SCARA5: variants seen among roughly 807,000 people sequenced by gnomAD.
SCARA5 encodes the protein scavenger receptor class A, member 5 (putative).
SCARA5 carries 45 observed loss-of-function variants against 46.3 expected under a neutral mutation model. The observed-to-expected ratio is 0.97, with a 90% CI of 0.76 to 1.24. The LOEUF is 1.24. SCARA5 is among the 50% of genes most tolerant of loss of function. The pLI, the probability that SCARA5 is intolerant of heterozygous loss-of-function variation, is 0.00. For synonymous variants in SCARA5, 333 were observed against 306.5 expected, an observed-to-expected ratio of 1.09 and a Z score of -0.90; for missense variants, 680 against 689.0, an observed-to-expected ratio of 0.99 and a Z score of 0.15.
intron 2 of SCARA5, among the ~76,000 whole-genome samples, chr8:27,976,144 C>G (rs565028342): frequency 1.4e-4 from 21 of 151,392 alleles, no homozygotes; most frequent in Non-Finnish European, 2.8e-4. Flanking sequence ...AGAGAGGAAG[C>G]TGGGGGAGGG....
intron 4 of SCARA5, 80 bp downstream of exon 4, chr8:27,921,491 G>T: frequency 7.9e-7 from 1 of 1,265,108 alleles, no homozygotes; most frequent in Non-Finnish European, 1.1e-6. Flanking sequence ...GGGTACTCCT[G>T]GGTCCTTGGG....
chr8:27,990,032 C>T (rs1285674303), intron 1 of SCARA5, among the ~76,000 whole-genome samples: 4 of 152,250 alleles, frequency 2.6e-5, no homozygotes, highest in South Asian at 2.1e-4. Context: ...CAGGGCGCTG[C>T]CCCTGGGGAG....
intron 7 of SCARA5, among the ~76,000 whole-genome samples, chr8:27,895,171 G>C (rs1389993433): frequency 6.6e-6 from 1 of 152,158 alleles, no homozygotes; most frequent in Non-Finnish European, 1.5e-5. Context: ...ACATGGGGCT[G>C]GGAATATAGG....
intron 4 of SCARA5, among the ~76,000 whole-genome samples, chr8:27,917,311 A>G (rs1221551648): frequency 6.6e-6 from 1 of 152,226 alleles, no homozygotes; most frequent in East Asian, 1.9e-4. Flanking sequence ...TCCCACCAGA[A>G]GAACCATGGC....
chr8:27,933,743 T>G (rs1319159797), intron 3 of SCARA5, among the ~76,000 whole-genome samples: 1 of 152,228 alleles, frequency 6.6e-6, no homozygotes, highest in Non-Finnish European at 1.5e-5. Flanking sequence ...AGGGGAAACC[T>G]TTCTCTGTTT....
In SCARA5 at chr8:27,890,985, G is replaced by A. The variant is rs182953581; in HGVS notation, c.1154-11219C>T. 2.0e-5 allele frequency among the ~76,000 whole-genome samples: 3 copies of A among 152,202 alleles called. No individual in the cohort carries two copies. In the East Asian group the frequency reaches 5.8e-4, roughly 30 times the overall value. ...GGGAGCCCAGGGCAGAGACTGGATG[G>A]GCAGGGCCAGTCCAGGCAAGCTACA... On this transcript the variant is annotated intron_variant, in intron 7 of 8. Coordinates refer to ENST00000354914, the MANE Select transcript of SCARA5 (RefSeq NM_173833.6).
At chr8:27,922,294 C>T (rs4732613) in intron 3 of SCARA5, 49 bp from the exon 4 acceptor site, 893,516 of 1,402,908 alleles carry the variant, frequency 0.64, 287,072 homozygotes, top group Middle Eastern at 0.76. Context: ...GGAGGAAGGC[C>T]CCGGGTGACA....
At chr8:27,978,681 T>A (rs1808564237) in intron 2 of SCARA5, among the ~76,000 whole-genome samples, 1 of 152,106 alleles carries the variant, frequency 6.6e-6, no homozygotes, top group Non-Finnish European at 1.5e-5. Context: ...GGCTAATTTT[T>A]AAAATTTTTT....
intron 2 of SCARA5, among the ~76,000 whole-genome samples, chr8:27,971,502 A>T (rs1464626989): frequency 6.6e-6 from 1 of 152,226 alleles, no homozygotes; most frequent in Admixed American, 6.5e-5. Context: ...GTTCATGATT[A>T]ACAGGTTGTC....
chr8:27,920,385 G>C (rs1239698537), intron 4 of SCARA5, among the ~76,000 whole-genome samples: 6 of 152,102 alleles, frequency 3.9e-5, no homozygotes, highest in Admixed American at 3.9e-4. Context: ...GGCTGAGGCA[G>C]GAGGATCACC....
At chr8:27,906,889 G>T (rs1807270972) in intron 6 of SCARA5, among the ~76,000 whole-genome samples, 1 of 152,090 alleles carries the variant, frequency 6.6e-6, no homozygotes, top group Admixed American at 6.5e-5. Flanking sequence ...TTGTAGAGAT[G>T]GGGCTCTTGG....
chr8:27,908,480 T>C (rs1167281476), intron 5 of SCARA5, among the ~76,000 whole-genome samples: 1 of 152,226 alleles, frequency 6.6e-6, no homozygotes, highest in African/African-American at 2.4e-5. Flanking sequence ...AATTGTTCTT[T>C]CCTGCTTGGA....
At chr8:27,990,666 C>T (rs1396593714) in intron 1 of SCARA5, among the ~76,000 whole-genome samples, 4 of 152,186 alleles carry the variant, frequency 2.6e-5, no homozygotes, top group Non-Finnish European at 5.9e-5. Context: ...TTGGTGACCA[C>T]TTTCTGGGCC....
Position 27,904,985 on chromosome 8 carries a change from G to A in SCARA5, c.1097-151C>T, listed in dbSNP as rs1161860298. 7 of 690,146 alleles carry A rather than the reference G, an allele frequency of 1.0e-5. No individual in the cohort carries two copies. The Admixed American group carries it at 1.8e-4, about 17-fold the overall frequency. The allele number at this position is 690,146 out of a possible 1,614,324, so 42.8% of individuals were successfully genotyped here. A position where few individuals can be genotyped will look rare whatever the true frequency, so the allele number is the denominator to read the frequency against. On this transcript the variant is annotated intron_variant, in intron 6 of 8. Coordinates refer to ENST00000354914, the MANE Select transcript of SCARA5 (RefSeq NM_173833.6). ...GGAGAGCCCAGCAGGCAGGAGAAGAGGGCAGCCAATTCTGCCATCTGCCCT... is the reference window on the plus strand; with the variant it reads ...GGAGAGCCCAGCAGGCAGGAGAAGAAGGCAGCCAATTCTGCCATCTGCCCT...
chr8:27,880,668 A>G lies in SCARA5; in HGVS notation c.1154-902T>C, dbSNP rs117476114. Among the ~76,000 whole-genome samples, 2,033 of 152,194 alleles carry G rather than the reference A, an allele frequency of 0.013. 100 individuals carry two copies. In the East Asian group the frequency reaches 0.14, roughly 11 times the overall value. On this transcript the variant is annotated intron_variant, in intron 7 of 8. Coordinates refer to ENST00000354914, the MANE Select transcript of SCARA5 (RefSeq NM_173833.6). Reference sequence around the variant, plus strand: ...CAAGACCAGCCTCAGCCTGGGCAGCATGGGGAAACCCTGTCTCTACAAAAT... The same window carrying G: ...CAAGACCAGCCTCAGCCTGGGCAGCGTGGGGAAACCCTGTCTCTACAAAAT...
chr8:27,959,484 GC>G (rs1392176689), intron 3 of SCARA5, among the ~76,000 whole-genome samples: 1 of 152,184 alleles, frequency 6.6e-6, no homozygotes, highest in Non-Finnish European at 1.5e-5. Flanking sequence ...TGAACAAGGT[GC>G]GGTGCCCTAT....
At chr8:27,989,129 C>CTTTT (rs34929623) in intron 1 of SCARA5, among the ~76,000 whole-genome samples, 1,782 of 68,374 alleles carry the variant, frequency 0.026, 1 homozygote, top group East Asian at 0.041. Flanking sequence ...TTCTTTCTTT[C>CTTTT]TTTTTTTTTT....
chr8:27,962,250 C>T (rs1318160333), intron 3 of SCARA5, among the ~76,000 whole-genome samples: 2 of 152,174 alleles, frequency 1.3e-5, no homozygotes, highest in Non-Finnish European at 2.9e-5. Flanking sequence ...GGGATGACAG[C>T]TGACTCTTAA....
At chr8:27,875,549 C>T (rs1352424681) in intron 8 of SCARA5, among the ~76,000 whole-genome samples, 1 of 152,066 alleles carries the variant, frequency 6.6e-6, no homozygotes, top group East Asian at 1.9e-4. Context: ...GAGGGAAAAG[C>T]CTTCCAGCAG....
Sources: gnomAD v4.1 joint callset for allele counts (sites outside exome capture counted in the v4.1 genomes callset) on GRCh38, gnomAD v4.1.1 for gene constraint, MANE v1.5 for transcripts, NCBI Gene and HGNC (gene_info 2026-07-23, HGNC 2026-07-21) for gene names.